Variants in CHST9 observed in about 807,000 individuals in gnomAD.
CHST9 encodes the protein GalNAc-4-sulfotransferase 2.
A neutral mutation model predicts 44.4 loss-of-function variants in CHST9; 41 were observed. That is an observed-to-expected ratio of 0.92 (90% CI 0.72 to 1.20). The LOEUF (loss-of-function observed/expected upper bound fraction) is 1.20, where lower values mean the gene tolerates loss of function less well. Among genes scored for constraint, CHST9 ranks in the 50% most tolerant of loss-of-function variants. The pLI, the probability that CHST9 is intolerant of heterozygous loss-of-function variation, is 0.00. For missense variants in CHST9, 504 were observed against 516.5 expected, an observed-to-expected ratio of 0.98 and a Z score of 0.23; for synonymous variants, 171 against 178.4, an observed-to-expected ratio of 0.96 and a Z score of 0.33.
intron 4 of CHST9, among the ~76,000 whole-genome samples, chr18:26,969,348 T>C (rs1408711846): frequency 6.7e-6 from 1 of 149,974 alleles, no homozygotes; most frequent in Non-Finnish European, 1.5e-5. Flanking sequence ...CTAGCTAGTC[T>C]TCCTTTTTTG....
intron 2 of CHST9, among the ~76,000 whole-genome samples, chr18:27,106,084 T>G (rs965826321): frequency 1.3e-5 from 2 of 152,198 alleles, no homozygotes; most frequent in African/African-American, 4.8e-5. Context: ...GTTAGAAACT[T>G]AAATTTCTTA....
intron 2 of CHST9, among the ~76,000 whole-genome samples, chr18:27,088,556 A>G (rs1192671838): frequency 6.6e-6 from 1 of 151,682 alleles, no homozygotes; most frequent in Non-Finnish European, 1.5e-5. Context: ...CACCACACCC[A>G]GCTAATTTTT....
chr18:27,066,792 T>G (rs2057786734), intron 2 of CHST9, among the ~76,000 whole-genome samples: 1 of 152,230 alleles, frequency 6.6e-6, no homozygotes, highest in Non-Finnish European at 1.5e-5. Flanking sequence ...ACTTCTTACA[T>G]GTATTTATTT....
rs2145031214 is a variant in CHST9, at chr18:26,910,600, T to G, written c.*5659A>C. 1 of 152,310 alleles carries G rather than the reference T, an allele frequency of 6.6e-6. No homozygotes were observed. Among genetic ancestry groups the G allele is most frequent in the South Asian group, 2.1e-4 (1 of 4,820 alleles). 9.4% of individuals were successfully genotyped at this position (152,310 alleles called of 1,614,324 possible). ...TGTAGGGTAACAAATCCCCTGTCATTAATGAGGCCCAATGTTGGCAGCTAA... is the reference window on the plus strand; with the variant it reads ...TGTAGGGTAACAAATCCCCTGTCATGAATGAGGCCCAATGTTGGCAGCTAA... On this transcript the variant is annotated 3_prime_UTR_variant, in exon 6 of 6. Coordinates refer to ENST00000618847, the MANE Select transcript of CHST9 (RefSeq NM_031422.6).
At chr18:27,035,254 A>G (rs2057378921) in intron 3 of CHST9, among the ~76,000 whole-genome samples, 1 of 152,176 alleles carries the variant, frequency 6.6e-6, no homozygotes. Flanking sequence ...CCTGATGATT[A>G]GTGGTGTTGA....
chr18:27,143,992 A>G (rs562149299), intron 1 of CHST9, among the ~76,000 whole-genome samples: 2 of 152,294 alleles, frequency 1.3e-5, no homozygotes, highest in East Asian at 3.9e-4. Flanking sequence ...AAACAAACAA[A>G]CAAAAAGAAT....
chr18:27,052,505 G>A (rs1377332912), intron 2 of CHST9, among the ~76,000 whole-genome samples: 1 of 151,904 alleles, frequency 6.6e-6, no homozygotes, highest in South Asian at 2.1e-4. Flanking sequence ...GTCTGAATAG[G>A]TGATCTTATC....
At chr18:27,161,742 C>T (rs1598769661) in intron 1 of CHST9, among the ~76,000 whole-genome samples, 1 of 151,992 alleles carries the variant, frequency 6.6e-6, no homozygotes, top group African/African-American at 2.4e-5. Flanking sequence ...TGTGGGAGTC[C>T]AAGTCTCTTT....
intron 4 of CHST9, among the ~76,000 whole-genome samples, chr18:26,946,927 A>G (rs773021415): frequency 2.0e-5 from 3 of 152,102 alleles, no homozygotes; most frequent in Admixed American, 6.5e-5. Context: ...GTAGCCTTGT[A>G]GTACAGTTTG....
chr18:26,959,910 C>A (rs1428326734), intron 4 of CHST9, among the ~76,000 whole-genome samples: 3 of 151,810 alleles, frequency 2.0e-5, no homozygotes, highest in Non-Finnish European at 4.4e-5. Context: ...GAATGTAGGG[C>A]ACATTGTATG....
At chr18:27,017,670 A>T (rs2057170960) in intron 4 of CHST9, among the ~76,000 whole-genome samples, 1 of 152,110 alleles carries the variant, frequency 6.6e-6, no homozygotes, top group Non-Finnish European at 1.5e-5. Flanking sequence ...CAAAGAGAAA[A>T]CTATTTAGGG....
chr18:26,991,642 GA>G (rs1371970784), intron 4 of CHST9, among the ~76,000 whole-genome samples: 1 of 146,398 alleles, frequency 6.8e-6, no homozygotes, highest in African/African-American at 2.5e-5. Flanking sequence ...GAAACAGGAG[GA>G]AGCAGCAAGG....
chr18:27,096,218 T>A (rs2058115491), intron 2 of CHST9, among the ~76,000 whole-genome samples: 3 of 151,988 alleles, frequency 2.0e-5, no homozygotes. Context: ...GCAGAAATTT[T>A]AAAATTCCTT....
intron 2 of CHST9, among the ~76,000 whole-genome samples, chr18:27,070,617 T>C (rs969936034): frequency 6.6e-6 from 1 of 152,234 alleles, no homozygotes; most frequent in Non-Finnish European, 1.5e-5. Flanking sequence ...TATTGAGACT[T>C]ACCATATGTC....
chr18:27,182,897 A>G (rs1297782978), intron 1 of CHST9, among the ~76,000 whole-genome samples: 1 of 152,196 alleles, frequency 6.6e-6, no homozygotes, highest in Non-Finnish European at 1.5e-5. Flanking sequence ...TGAATTTGGA[A>G]TTTGTAAGAG....
chr18:27,130,720 A>T (rs2058464199), intron 2 of CHST9, among the ~76,000 whole-genome samples: 1 of 152,242 alleles, frequency 6.6e-6, no homozygotes, highest in Non-Finnish European at 1.5e-5. Flanking sequence ...TGGAGAATGT[A>T]TATATAAATT....
At chr18:26,937,149 T>C (rs768093900) in intron 5 of CHST9, among the ~76,000 whole-genome samples, 16 of 152,310 alleles carry the variant, frequency 1.1e-4, no homozygotes, top group Non-Finnish European at 1.9e-4. Context: ...GGCAACGGAT[T>C]ATGCCAATGT....
At chr18:27,071,814 G>C (rs573102869) in intron 2 of CHST9, among the ~76,000 whole-genome samples, 1 of 151,578 alleles carries the variant, frequency 6.6e-6, no homozygotes, top group South Asian at 2.1e-4. Flanking sequence ...AAGGGCCTTG[G>C]GGGGGATCCC....
At chr18:27,072,404 A>T (rs893814329) in intron 2 of CHST9, among the ~76,000 whole-genome samples, 10 of 152,112 alleles carry the variant, frequency 6.6e-5, no homozygotes, top group African/African-American at 2.2e-4. Context: ...ACTCATGATG[A>T]ACATTGAAGA....
Sources: allele counts gnomAD v4.1 joint callset (sites outside exome capture counted in the v4.1 genomes callset), GRCh38; gene constraint gnomAD v4.1.1; transcripts MANE v1.5; gene names NCBI Gene and HGNC (gene_info 2026-07-23, HGNC 2026-07-21).